The following ARB2A variants were observed in gnomAD, a reference collection of about 807,000 sequenced individuals.
The protein encoded by ARB2A is cotranscriptional regulator ARB2A.
chr5:94,049,623 CA>C, the ARB2A span, among the ~76,000 whole-genome samples: 50 of 149,216 alleles, frequency 3.4e-4, no homozygotes, highest in Admixed American at 6.0e-4. Context: ...ACTAAAAGTA[CA>C]AAAAAAAATT....
chr5:93,853,514 G>A, the ARB2A span, among the ~76,000 whole-genome samples: 17 of 152,130 alleles, frequency 1.1e-4, no homozygotes, highest in African/African-American at 3.9e-4. Flanking sequence ...AGTGGTGAGA[G>A]AGGGCATCCC....
the ARB2A span, among the ~76,000 whole-genome samples, chr5:93,768,330 AC>A: frequency 6.6e-6 from 1 of 151,436 alleles, no homozygotes; most frequent in African/African-American, 2.4e-5. Context: ...TACTACCTGT[AC>A]CCCAATAACC....
the ARB2A span, among the ~76,000 whole-genome samples, chr5:93,641,433 T>C: frequency 0.22 from 33,516 of 152,030 alleles, 4,790 homozygotes; most frequent in Non-Finnish European, 0.32. Flanking sequence ...CACCTGTGAA[T>C]CCACTTATAA....
At chr5:94,001,223 AGATT>A in the ARB2A span, among the ~76,000 whole-genome samples, 1 of 152,098 alleles carries the variant, frequency 6.6e-6, no homozygotes, top group African/African-American at 2.4e-5. Flanking sequence ...ATGAACCTAT[AGATT>A]AAGTTGGGAA....
At chr5:93,820,290 C>T in the ARB2A span, among the ~76,000 whole-genome samples, 1 of 152,046 alleles carries the variant, frequency 6.6e-6, no homozygotes, top group African/African-American at 2.4e-5. Context: ...TTGATAAACC[C>T]TGTTAATTTC....
the ARB2A span, among the ~76,000 whole-genome samples, chr5:94,039,708 C>T: frequency 6.6e-6 from 1 of 152,120 alleles, no homozygotes; most frequent in Non-Finnish European, 1.5e-5. Context: ...AGAACCCTCT[C>T]CTGGGGTCTG....
At chr5:93,847,671 G>C in the ARB2A span, among the ~76,000 whole-genome samples, 1 of 151,938 alleles carries the variant, frequency 6.6e-6, no homozygotes, top group Admixed American at 6.6e-5. Flanking sequence ...TACCAGCTTT[G>C]GATCAAGCAC....
At chr5:94,054,900 A>G in the ARB2A span, among the ~76,000 whole-genome samples, 1 of 152,162 alleles carries the variant, frequency 6.6e-6, no homozygotes, top group Non-Finnish European at 1.5e-5. Context: ...TGTTCCAGCC[A>G]TGACTATTGT....
chr5:94,090,831 G>T, the ARB2A span, among the ~76,000 whole-genome samples: 2 of 152,138 alleles, frequency 1.3e-5, no homozygotes, highest in Non-Finnish European at 2.9e-5. Context: ...TACATTTATT[G>T]ATTTGTGTAT....
chr5:93,999,183 G>A, the ARB2A span, among the ~76,000 whole-genome samples: 2 of 151,084 alleles, frequency 1.3e-5, no homozygotes, highest in East Asian at 1.9e-4. Flanking sequence ...AAAATAACAT[G>A]GGTGATGTGC....
the ARB2A span, chr5:93,683,078 G>C: frequency 6.4e-7 from 1 of 1,565,838 alleles, no homozygotes; most frequent in Non-Finnish European, 8.7e-7. Flanking sequence ...TGATGGTTTT[G>C]AGTCTTTTCC....
chr5:94,048,561 T>C, the ARB2A span, among the ~76,000 whole-genome samples: 1 of 152,096 alleles, frequency 6.6e-6, no homozygotes, highest in African/African-American at 2.4e-5. Flanking sequence ...TTAATCAGGG[T>C]ATAGCAGGCA....
chr5:94,043,721 A>C, the ARB2A span, among the ~76,000 whole-genome samples: 1 of 152,192 alleles, frequency 6.6e-6, no homozygotes, highest in Non-Finnish European at 1.5e-5. Context: ...TTGGGACCTC[A>C]AAAGGAGAAT....
the ARB2A span, among the ~76,000 whole-genome samples, chr5:93,840,358 G>A: frequency 2.6e-5 from 4 of 152,098 alleles, no homozygotes; most frequent in South Asian, 6.2e-4. Flanking sequence ...GCTGACAAAC[G>A]ATAAATATTC....
the ARB2A span, among the ~76,000 whole-genome samples, chr5:93,955,007 C>A: frequency 6.6e-6 from 1 of 152,084 alleles, no homozygotes; most frequent in Non-Finnish European, 1.5e-5. Flanking sequence ...TCTCTCTCCA[C>A]ACCATGCTGC....
the ARB2A span, among the ~76,000 whole-genome samples, chr5:93,969,347 C>T: frequency 6.6e-6 from 1 of 151,988 alleles, no homozygotes; most frequent in Non-Finnish European, 1.5e-5. Flanking sequence ...TGTCTAGTGT[C>T]ATTTGAAAGA....
At chr5:93,626,372 G>C in the ARB2A span, among the ~76,000 whole-genome samples, 1 of 152,140 alleles carries the variant, frequency 6.6e-6, no homozygotes, top group Non-Finnish European at 1.5e-5. Context: ...CTGAGTTGTA[G>C]AGTAACTTAT....
At chr5:93,827,107 C>A in the ARB2A span, among the ~76,000 whole-genome samples, 5 of 151,898 alleles carry the variant, frequency 3.3e-5, no homozygotes, top group East Asian at 1.9e-4. Context: ...TTGGGTATAT[C>A]CCCAGTAATG....
chr5:93,687,975 CTT>C, the ARB2A span, among the ~76,000 whole-genome samples: 599 of 146,976 alleles, frequency 4.1e-3, 4 homozygotes, highest in African/African-American at 0.014. Context: ...CTTTTCTATT[CTT>C]TTTTTTTTTT....
Sources: allele counts gnomAD v4.1 joint callset (sites outside exome capture counted in the v4.1 genomes callset), GRCh38; gene constraint gnomAD v4.1.1; transcripts MANE v1.5; gene names NCBI Gene and HGNC (gene_info 2026-07-23, HGNC 2026-07-21).